Variants in GALNT18 observed in about 807,000 individuals in gnomAD.
The protein encoded by GALNT18 is polypeptide N-acetylgalactosaminyltransferase 18, also known as GalNAc-transferase 18.
Under a neutral mutation model 69.5 loss-of-function variants are expected in GALNT18, and 44 were observed. The observed-to-expected ratio is 0.63, with a 90% confidence interval of 0.50 to 0.81. GALNT18 has a LOEUF of 0.81. Ranked by LOEUF, GALNT18 falls within the 40% of genes least tolerant of loss-of-function variation. The pLI, the probability that GALNT18 is intolerant of heterozygous loss-of-function variation, is 0.00. For synonymous variants in GALNT18, 364 were observed against 318.2 expected, an observed-to-expected ratio of 1.14 and a Z score of -1.53; for missense variants, 715 against 810.0, an observed-to-expected ratio of 0.88 and a Z score of 1.42.
chr11:11,356,236 G>A lies in GALNT18; in HGVS notation c.1093-15232C>T, dbSNP rs1384777188. Among the ~76,000 whole-genome samples the A allele has an allele frequency of 2.0e-5, 3 of 152,198 alleles. No individual in the cohort carries two copies. The highest frequency in any genetic ancestry group is 4.1e-4 in the South Asian group (2 of 4,836). ...AACCACAGCAGTGTCAGAGGAGGAGGAGAAGGAACCCTTGCTCAGTTTGTG... is the reference window on the plus strand; with the variant it reads ...AACCACAGCAGTGTCAGAGGAGGAGAAGAAGGAACCCTTGCTCAGTTTGTG... On this transcript the variant is annotated intron_variant, in intron 6 of 10. Coordinates refer to ENST00000227756, the MANE Select transcript of GALNT18 (RefSeq NM_198516.3). The surrounding 1 kb of genome is among the most constrained non-coding windows in gnomAD (Gnocchi z 4.4).
chr11:11,524,719 A>G (rs1857479661), intron 1 of GALNT18, among the ~76,000 whole-genome samples: 1 of 152,210 alleles, frequency 6.6e-6, no homozygotes, highest in Admixed American at 6.5e-5. Context: ...TAAGTCACTG[A>G]TTTGGGGGCG....
At position 11,540,013 on chromosome 11, in the gene GALNT18, C is replaced by T. The variant is rs1857873760; in HGVS notation, c.235+81346G>A. On this transcript the variant is annotated intron_variant, in intron 1 of 10. Coordinates refer to ENST00000227756, the MANE Select transcript of GALNT18 (RefSeq NM_198516.3). The surrounding 1 kb of genome is among the most constrained non-coding windows in gnomAD (Gnocchi z 4.6). ...TGGGAAATGAGGGGAGACGGAGCTG[C>T]ACAGGGGACCCCGATGCCAGTCCGG... is the stretch of plus-strand genomic sequence containing the variant. Among the ~76,000 whole-genome samples, 1 of 152,216 alleles carries T rather than the reference C, an allele frequency of 6.6e-6. No homozygotes were observed. Among genetic ancestry groups the T allele is most frequent in the Non-Finnish European group, 1.5e-5 (1 of 68,048 alleles).
intron 7 of GALNT18, among the ~76,000 whole-genome samples, chr11:11,335,604 C>T (rs1850097844): frequency 6.6e-6 from 1 of 152,184 alleles, no homozygotes; most frequent in Non-Finnish European, 1.5e-5. Context: ...GAACCAGGGT[C>T]TTTGCAGATA....
chr11:11,417,657 T>C (rs76408737), intron 3 of GALNT18, among the ~76,000 whole-genome samples: 3,181 of 152,282 alleles, frequency 0.021, 118 homozygotes, highest in African/African-American at 0.071. Context: ...TTCACCAGTT[T>C]CCACCACTCC....
rs1398006845 is a variant in GALNT18 at position 11,340,425 on chromosome 11, A to G, written c.1278+394T>C. On this transcript the variant is annotated intron_variant, in intron 7 of 10. Transcript: ENST00000227756. This position sits in a 1 kb window ranked among gnomAD's most constrained non-coding sequence, Gnocchi z 4.2. ...AGAAGTTTGAACCTAATCTGTAGGA[A>G]GATTAAGATGCTTTTTGTAAATTTT... Among the ~76,000 whole-genome samples the G allele has an allele frequency of 6.6e-6, 1 of 152,226 alleles. No individual in the cohort carries two copies. Among genetic ancestry groups the G allele is most frequent in the African/African-American group, 2.4e-5 (1 of 41,450 alleles).
At position 11,620,460 on chromosome 11, in the gene GALNT18, C is replaced by A. The variant is rs920554949; in HGVS notation, c.235+899G>T. On this transcript the variant is annotated intron_variant, in intron 1 of 10. Coordinates refer to ENST00000227756, the MANE Select transcript of GALNT18 (RefSeq NM_198516.3). This position sits in a 1 kb window ranked among gnomAD's most constrained non-coding sequence, Gnocchi z 6.9. The stretch of plus-strand genomic sequence containing the variant: ...CTGCAACCCCCACCCTCCCTTTGGA[C>A]CCCCGCGCTGGTCTGGAGCGCACCC... Among the ~76,000 whole-genome samples the A allele has an allele frequency of 4.6e-5, 7 of 152,118 alleles. No individual in the cohort carries two copies. The highest frequency in any genetic ancestry group is 1.4e-4 in the African/African-American group (6 of 41,428).
intron 6 of GALNT18, among the ~76,000 whole-genome samples, chr11:11,348,878 ACT>A (rs768082818): frequency 3.5e-4 from 53 of 152,072 alleles, no homozygotes; most frequent in Non-Finnish European, 6.2e-4. Flanking sequence ...ATGTGTGATA[ACT>A]CTGTGTGTGT....
In GALNT18 at chr11:11,340,291, T is replaced by TG. The variant is rs1554918735; in HGVS notation, c.1278+527_1278+528insC. ...ATGATGAGGCTCTGTGAAGGTTAAC[T>TG]CCATCTCCTAGTGAAGGTCCCTGTA... On this transcript the variant is annotated intron_variant, in intron 7 of 10. Coordinates refer to ENST00000227756, the MANE Select transcript of GALNT18 (RefSeq NM_198516.3). The surrounding 1 kb of genome is among the most constrained non-coding windows in gnomAD (Gnocchi z 4.2). Among the ~76,000 whole-genome samples the TG allele has an allele frequency of 2.6e-5, 4 of 151,792 alleles. No individual in the cohort carries two copies. The highest frequency in any genetic ancestry group is 4.4e-5 in the Non-Finnish European group (3 of 67,946).
rs1304346313 is a variant in GALNT18 at position 11,341,030 on chromosome 11, C to G, written c.1093-26G>C. 6.4e-7 allele frequency: 1 copy of G among 1,568,474 alleles called. No homozygotes were observed. Among genetic ancestry groups the G allele is most frequent in the Non-Finnish European group, 8.7e-7 (1 of 1,153,604 alleles). On this transcript the variant is annotated intron_variant, in intron 6 of 10. Coordinates refer to ENST00000227756, the MANE Select transcript of GALNT18 (RefSeq NM_198516.3). The surrounding 1 kb of genome is among the most constrained non-coding windows in gnomAD (Gnocchi z 6.3). ...CTGCAGAAGACATGGAGCCACTTGTCAGAGCCTGCCTGGCTCTGCCTTTCT... is the reference window on the plus strand; with the variant it reads ...CTGCAGAAGACATGGAGCCACTTGTGAGAGCCTGCCTGGCTCTGCCTTTCT...
Position 11,464,516 on chromosome 11 carries a change from G to T in GALNT18, c.236-15580C>A, listed in dbSNP as rs151276354. ...CTAATGCCATTTCCTCCTGGTGGGT[G>T]GTTCAGAAAGAAGCTCCCTCGTGGG... On this transcript the variant is annotated intron_variant, in intron 1 of 10. Coordinates refer to ENST00000227756, the MANE Select transcript of GALNT18 (RefSeq NM_198516.3). Among the ~76,000 whole-genome samples the T allele has an allele frequency of 5.3e-3, 808 of 152,230 alleles. 7 individuals carry two copies. Among genetic ancestry groups the T allele is most frequent in the African/African-American group, 0.019 (783 of 41,536 alleles).
rs555773605 is a variant in GALNT18 at position 11,601,504 on chromosome 11, G to T, written c.235+19855C>A. Reference sequence around the variant, plus strand: ...TGTTACATTTCTGGCTGGACTGCCCGATTGGTTTCACCTCCAGCTGTTAGC... The same window carrying T: ...TGTTACATTTCTGGCTGGACTGCCCTATTGGTTTCACCTCCAGCTGTTAGC... On this transcript the variant is annotated intron_variant, in intron 1 of 10. Coordinates refer to ENST00000227756, the MANE Select transcript of GALNT18 (RefSeq NM_198516.3). The surrounding 1 kb of genome is among the most constrained non-coding windows in gnomAD (Gnocchi z 4.0). Among the ~76,000 whole-genome samples the T allele has an allele frequency of 6.6e-6, 1 of 152,182 alleles. No homozygotes were observed. Among genetic ancestry groups the T allele is most frequent in the African/African-American group, 2.4e-5 (1 of 41,426 alleles).
chr11:11,275,629 C>G (rs1380108198), intron 10 of GALNT18, among the ~76,000 whole-genome samples: 1 of 152,134 alleles, frequency 6.6e-6, no homozygotes, highest in Non-Finnish European at 1.5e-5. Flanking sequence ...CCGAATGGTA[C>G]TGCCCAGGTT....
intron 6 of GALNT18, chr11:11,352,592 C>T (rs1850435755): frequency 6.2e-7 from 1 of 1,614,010 alleles, no homozygotes; most frequent in African/African-American, 1.3e-5. Context: ...CAGCCAAACC[C>T]CAGTCTATTA....
At chr11:11,434,343 A>G (rs1287739706) in intron 2 of GALNT18, among the ~76,000 whole-genome samples, 1 of 152,186 alleles carries the variant, frequency 6.6e-6, no homozygotes, top group African/African-American at 2.4e-5. Context: ...TTGTTCTTGC[A>G]TTTAATGGAA....
chr11:11,572,718 C>A lies in GALNT18; in HGVS notation c.235+48641G>T, dbSNP rs187167491. 1.9e-3 allele frequency among the ~76,000 whole-genome samples: 293 copies of A among 152,334 alleles called. 1 individual carries two copies. Among genetic ancestry groups the A allele is most frequent in the Admixed American group, 3.1e-3 (48 of 15,308 alleles). ...GTGCCCTTCTGAGGAAGACAAGGAA[C>A]AGATGGCCCTCGCAACCCTCGCCTT... On this transcript the variant is annotated intron_variant, in intron 1 of 10. Transcript: ENST00000227756.
rs967265987 is a variant in GALNT18 at position 11,563,079 on chromosome 11, A to C, written c.235+58280T>G. On this transcript the variant is annotated intron_variant, in intron 1 of 10. Transcript: ENST00000227756. This position sits in a 1 kb window ranked among gnomAD's most constrained non-coding sequence, Gnocchi z 4.6. Reference sequence around the variant, plus strand: ...TATATACTTCCACCCCCACCCTGCAAACAAGACTCCTCCAGCCCAGGAGGT... The same window carrying C: ...TATATACTTCCACCCCCACCCTGCACACAAGACTCCTCCAGCCCAGGAGGT... Among the ~76,000 whole-genome samples, 8 of 152,050 alleles carry C rather than the reference A, an allele frequency of 5.3e-5. No individual in the cohort carries two copies. Among genetic ancestry groups the C allele is most frequent in the African/African-American group, 1.9e-4 (8 of 41,382 alleles).
At chr11:11,516,969 G>A (rs1857290935) in intron 1 of GALNT18, among the ~76,000 whole-genome samples, 1 of 152,202 alleles carries the variant, frequency 6.6e-6, no homozygotes. Context: ...AGGAGGTGGG[G>A]GGTGATTAGG....
In GALNT18 at chr11:11,332,556, G is replaced by T; in HGVS notation, c.1416+138C>A. The stretch of plus-strand genomic sequence containing the variant: ...AAGTAAAGGCTGTCTTGCAGGTGCA[G>T]AACCCAGCGCCCGGTCCCCAGGCCT... On this transcript the variant is annotated intron_variant, in intron 8 of 10. Transcript: ENST00000227756. The surrounding 1 kb of genome is among the most constrained non-coding windows in gnomAD (Gnocchi z 4.3). The T allele has an allele frequency of 1.1e-6, 1 of 911,542 alleles. No homozygotes were observed. The highest frequency in any genetic ancestry group is 1.7e-6 in the Non-Finnish European group (1 of 601,514). 56.5% of individuals were successfully genotyped at this position (911,542 alleles called of 1,614,324 possible).
chr11:11,306,978 A>C (rs938985322), intron 9 of GALNT18, among the ~76,000 whole-genome samples: 2 of 152,208 alleles, frequency 1.3e-5, no homozygotes, highest in African/African-American at 4.8e-5. Context: ...CATGTGTAGA[A>C]GCCTGGCCTA....
Sources: gnomAD v4.1 joint callset for allele counts (sites outside exome capture counted in the v4.1 genomes callset) on GRCh38, gnomAD v4.1.1 for gene constraint, Gnocchi (gnomAD v3.1) non-coding constraint, MANE v1.5 for transcripts, NCBI Gene and HGNC (gene_info 2026-07-23, HGNC 2026-07-21) for gene names.